HIPK2: variants seen among roughly 807,000 people sequenced by gnomAD.
HIPK2 encodes the protein homeodomain-interacting protein kinase 2.
A neutral mutation model predicts 113.7 loss-of-function variants in HIPK2; 27 were observed. The observed-to-expected ratio is 0.24, with a 90% CI of 0.17 to 0.33. The LOEUF is 0.33. HIPK2 is among the 10% of genes least tolerant of loss of function. The pLI, the probability that HIPK2 is intolerant of heterozygous loss-of-function variation, is 1.00. For synonymous variants in HIPK2, 631 were observed against 642.2 expected, an observed-to-expected ratio of 0.98 and a Z score of 0.26; for missense variants, 1,257 against 1,588.0, an observed-to-expected ratio of 0.79 and a Z score of 3.54.
At chr7:139,623,238 C>T (rs968147327) in intron 6 of HIPK2, among the ~76,000 whole-genome samples, 2 of 152,124 alleles carry the variant, frequency 1.3e-5, no homozygotes, top group Non-Finnish European at 2.9e-5. Flanking sequence ...AGGCCAGGCA[C>T]GGTGGCTCAC....
intron 2 of HIPK2, among the ~76,000 whole-genome samples, chr7:139,687,686 G>T (rs1256303058): frequency 6.6e-6 from 1 of 152,134 alleles, no homozygotes; most frequent in African/African-American, 2.4e-5. Flanking sequence ...ACTAGGATTG[G>T]TATGCCAAGA....
chr7:139,700,904 C>T (rs990779991), intron 2 of HIPK2, among the ~76,000 whole-genome samples: 97 of 152,318 alleles, frequency 6.4e-4, no homozygotes, highest in Middle Eastern at 3.4e-3. Flanking sequence ...ATAAACTTTA[C>T]GAAGCCAAGC....
intron 7 of HIPK2, among the ~76,000 whole-genome samples, chr7:139,616,010 C>T (rs1475736895): frequency 2.0e-5 from 3 of 152,146 alleles, no homozygotes; most frequent in African/African-American, 7.2e-5. Context: ...CGATCTCTTC[C>T]GGAGGCTTCT....
chr7:139,689,387 T>C (rs1281424421), intron 2 of HIPK2, among the ~76,000 whole-genome samples: 1 of 152,212 alleles, frequency 6.6e-6, no homozygotes, highest in Non-Finnish European at 1.5e-5. Flanking sequence ...ATTTTGAAGT[T>C]ATGTATGTTA....
intron 1 of HIPK2, chr7:139,777,241 G>A (rs1192112095): frequency 1.3e-5 from 2 of 152,490 alleles, no homozygotes; most frequent in African/African-American, 2.4e-5. Context: ...TGCTCCGAAA[G>A]GTAATGTGGG....
chr7:139,752,782 G>A (rs1241852180), intron 1 of HIPK2, among the ~76,000 whole-genome samples: 7 of 150,838 alleles, frequency 4.6e-5, no homozygotes, highest in East Asian at 1.9e-4. Context: ...ATGGAGAACC[G>A]GCCACACAGC....
chr7:139,674,982 A>G lies in HIPK2; in HGVS notation c.1103+40950T>C, dbSNP rs370881865. 5.3e-4 allele frequency among the ~76,000 whole-genome samples: 80 copies of G among 152,264 alleles called. 1 individual carries two copies. The East Asian group carries it at 0.013, about 24-fold the overall frequency. On this transcript the variant is annotated intron_variant, in intron 2 of 14. Transcript: ENST00000406875. Reference sequence around the variant, plus strand: ...GCACACTTCTGCATTTGCCTTTGTCATCGTAAGGCTAATGCTGGGAAACGT... The same window carrying G: ...GCACACTTCTGCATTTGCCTTTGTCGTCGTAAGGCTAATGCTGGGAAACGT...
intron 2 of HIPK2, among the ~76,000 whole-genome samples, chr7:139,635,786 T>C (rs942962135): frequency 6.6e-6 from 1 of 151,892 alleles, no homozygotes; most frequent in East Asian, 1.9e-4. Context: ...GACACAGACA[T>C]AAAAATCGAG....
intron 13 of HIPK2, among the ~76,000 whole-genome samples, chr7:139,581,545 G>A (rs1050600230): frequency 8.5e-5 from 13 of 152,254 alleles, no homozygotes; most frequent in African/African-American, 2.7e-4. Context: ...AGCCACAGGA[G>A]GGGGTGAGTA....
Position 139,620,491 on chromosome 7 carries a change from G to T in HIPK2, c.1692C>A (p.Ser564Arg). The change falls in exon 7 of 15, where the codon AGC (serine) becomes AGA (arginine). Residue 564 changes from serine to arginine, a missense_variant. Physicochemically the swap from Ser to Arg is moderately radical, Grantham distance 110. This residue lies in a region of HIPK2 where 862 missense variants were observed against 1,004.3 expected (regional missense o/e 0.86). Coordinates refer to ENST00000406875, the MANE Select transcript of HIPK2 (RefSeq NM_022740.5). ...CCACGTGCGTGATGAAAGGGGTTTT[G>T]CTCTGGTTCACCGTGTCATACATAT... Reference protein sequence around the residue: ...RVNMYDTVNQSKTPFITHVAP... With the variant: ...RVNMYDTVNQRKTPFITHVAP... 4 of 1,614,102 alleles carry T rather than the reference G, an allele frequency of 2.5e-6. No individual in the cohort carries two copies. Among genetic ancestry groups the T allele is most frequent in the Non-Finnish European group, 2.5e-6 (3 of 1,180,034 alleles).
At chr7:139,627,919 G>C (rs1165330742) in intron 5 of HIPK2, among the ~76,000 whole-genome samples, 2 of 152,304 alleles carry the variant, frequency 1.3e-5, no homozygotes, top group East Asian at 3.9e-4. Context: ...TAAAGTCCCA[G>C]TCCCCAGTTG....
chr7:139,643,125 T>C (rs1801085169), intron 2 of HIPK2, among the ~76,000 whole-genome samples: 1 of 152,176 alleles, frequency 6.6e-6, no homozygotes, highest in Non-Finnish European at 1.5e-5. Flanking sequence ...GATTCTGTCA[T>C]AACTGAGTAT....
intron 6 of HIPK2, among the ~76,000 whole-genome samples, chr7:139,626,329 C>T (rs187732263): frequency 5.9e-5 from 9 of 152,174 alleles, no homozygotes; most frequent in African/African-American, 1.9e-4. Context: ...TCTCGAACTC[C>T]TGACCTCAGG....
At position 139,596,728 on chromosome 7, in the gene HIPK2, G is replaced by A. The variant is rs1799227870; in HGVS notation, c.2706C>T (p.His902=). 6 of 1,610,080 alleles carry A rather than the reference G, an allele frequency of 3.7e-6. No homozygotes were observed. The highest frequency in any genetic ancestry group is 2.2e-5 in the East Asian group (1 of 44,746). ...SDTDEEEEQK[H]APTSTVSKQR... is the part of the protein sequence containing the mutation. ...TGGCACTGCCTCACCTGGTGGGGGCGTGTTTCTGTTCCTCCTCCTCGTCCG... is the reference window on the plus strand; with the variant it reads ...TGGCACTGCCTCACCTGGTGGGGGCATGTTTCTGTTCCTCCTCCTCGTCCG... The change falls in exon 12 of 15, where the codon CAC becomes CAT. Residue 902 remains histidine (H), a synonymous_variant. Coordinates refer to ENST00000406875, the MANE Select transcript of HIPK2 (RefSeq NM_022740.5).
chr7:139,769,998 C>G (rs1320052972), intron 1 of HIPK2, among the ~76,000 whole-genome samples: 2 of 152,202 alleles, frequency 1.3e-5, no homozygotes, highest in East Asian at 3.8e-4. Flanking sequence ...AGCACGTGTG[C>G]ATTCTCTCTT....
At chr7:139,694,577 C>T (rs1352553646) in intron 2 of HIPK2, among the ~76,000 whole-genome samples, 1 of 152,140 alleles carries the variant, frequency 6.6e-6, no homozygotes, top group Non-Finnish European at 1.5e-5. Context: ...GCGTTCTCGC[C>T]ACCTGCCAAG....
In HIPK2 at chr7:139,572,628, C is replaced by A; in HGVS notation, c.*299G>T. The A allele has an allele frequency of 3.1e-5, 8 of 259,700 alleles. No individual in the cohort carries two copies. The highest frequency in any genetic ancestry group is 5.7e-5 in the Non-Finnish European group (8 of 141,180). The allele number at this position is 259,700 out of a possible 1,614,324, so 16.1% of individuals were successfully genotyped here. A position where few individuals can be genotyped will look rare whatever the true frequency, so the allele number is the denominator to read the frequency against. ...TATTGACTTTTTTTTTTTCCTTTTT[C>A]TTTTTTAAAATAAAAACCATAGATT... On this transcript the variant is annotated 3_prime_UTR_variant, in exon 15 of 15. Transcript: ENST00000406875.
At chr7:139,603,076 C>CT (rs1163141619) in intron 10 of HIPK2, among the ~76,000 whole-genome samples, 10 of 151,996 alleles carry the variant, frequency 6.6e-5, no homozygotes, top group African/African-American at 2.4e-4. Context: ...AGAAAATGAA[C>CT]TGGAGGAATG....
chr7:139,773,674 T>C (rs943603439), intron 1 of HIPK2, among the ~76,000 whole-genome samples: 2 of 152,188 alleles, frequency 1.3e-5, no homozygotes, highest in East Asian at 3.9e-4. Context: ...TCTGAGCCCC[T>C]GTAACTTACA....
Sources: gnomAD v4.1 joint callset for allele counts (sites outside exome capture counted in the v4.1 genomes callset) on GRCh38, gnomAD v4.1.1 for gene constraint, gnomAD v4.1.1 regional missense constraint, MANE v1.5 for transcripts, NCBI Gene and HGNC (gene_info 2026-07-23, HGNC 2026-07-21) for gene names.